The following WDR49 variants were observed in gnomAD, a reference collection of about 807,000 sequenced individuals.
The protein encoded by WDR49 is WD repeat domain 49.
Under a neutral mutation model 119.5 loss-of-function variants are expected in WDR49, and 107 were observed. That is an observed-to-expected ratio of 0.90 (90% CI 0.77 to 1.05). The LOEUF (loss-of-function observed/expected upper bound fraction) is 1.05. Ranked by LOEUF, WDR49 falls within the 50% of genes least tolerant of loss-of-function variation. The pLI is 0.00. For synonymous variants in WDR49, 425 were observed against 418.8 expected (o/e 1.01, Z -0.18); for missense variants, 1,240 against 1,220.5 (o/e 1.02, Z -0.24).
chr3:167,600,424 T>C (rs918620328), intron 7 of WDR49, among the ~76,000 whole-genome samples: 2 of 152,186 alleles, frequency 1.3e-5, no homozygotes, highest in Admixed American at 1.3e-4. Context: ...TTTCCTACCC[T>C]CTTTGGTGAT....
intron 18 of WDR49, among the ~76,000 whole-genome samples, chr3:167,497,892 T>TC (rs1553859878): frequency 1.3e-4 from 19 of 151,426 alleles, no homozygotes; most frequent in Middle Eastern, 3.4e-3. Context: ...TTTTTTTTTT[T>TC]CAACAGGCTA....
chr3:167,517,346 G>C (rs931028706), intron 16 of WDR49, among the ~76,000 whole-genome samples: 4 of 152,050 alleles, frequency 2.6e-5, no homozygotes, highest in Admixed American at 6.6e-5. Context: ...GAACAGAATA[G>C]AGAACTAAGA....
chr3:167,511,625 G>A (rs951104337), intron 16 of WDR49, among the ~76,000 whole-genome samples: 20 of 152,296 alleles, frequency 1.3e-4, no homozygotes, highest in African/African-American at 4.3e-4. Flanking sequence ...AGGGCCTTGG[G>A]TTCCAAGCAC....
At chr3:167,521,662 C>T (rs569528624) in intron 16 of WDR49, among the ~76,000 whole-genome samples, 1 of 152,200 alleles carries the variant, frequency 6.6e-6, no homozygotes, top group Admixed American at 6.6e-5. Context: ...AAGTAATAAG[C>T]TCAGATATCT....
At chr3:167,594,202 A>C (rs1715290577) in intron 7 of WDR49, among the ~76,000 whole-genome samples, 1 of 152,306 alleles carries the variant, frequency 6.6e-6, no homozygotes, top group South Asian at 2.1e-4. Context: ...AAGTTGGAAA[A>C]GTTTGAAGGG....
chr3:167,579,688 C>T (rs1420957771), intron 7 of WDR49, among the ~76,000 whole-genome samples: 1 of 152,038 alleles, frequency 6.6e-6, no homozygotes, highest in Non-Finnish European at 1.5e-5. Context: ...TTGTTTAAAA[C>T]ATTCTGGCAG....
chr3:167,603,492 G>C lies in WDR49; in HGVS notation c.1126+809C>G, dbSNP rs1223936658. ...CTGTGATTGTCAGGTATTATTTTGG[G>C]AATTTTATGGACACAGCTCCTTAGC... On this transcript the variant is annotated intron_variant, in intron 6 of 18. Coordinates refer to ENST00000682715, the MANE Select transcript of WDR49 (RefSeq NM_001366157.1). 3.9e-5 allele frequency among the ~76,000 whole-genome samples: 6 copies of C among 151,976 alleles called. No homozygotes were observed. The East Asian group carries it at 1.2e-3, about 29-fold the overall frequency.
At chr3:167,618,987 C>T (rs1427635135) in intron 5 of WDR49, among the ~76,000 whole-genome samples, 1 of 152,080 alleles carries the variant, frequency 6.6e-6, no homozygotes, top group African/African-American at 2.4e-5. Flanking sequence ...TCTTCCTGAA[C>T]ATGAAGAATA....
chr3:167,620,434 C>T lies in WDR49; in HGVS notation c.953G>A (p.Arg318Lys). 3 of 1,535,032 alleles carry T rather than the reference C, an allele frequency of 2.0e-6. No homozygotes were observed. In the South Asian group the frequency reaches 3.6e-5, roughly 18 times the overall value. Residue 318 changes from arginine (R) to lysine (K), a missense_variant, in exon 5 of 19, where the codon AGG becomes AAG. Physicochemically the swap from Arg to Lys is conservative, Grantham distance 26. Transcript: ENST00000682715. ...TTACTGTTCAAATTCAATACCTTGC[C>T]TGACCCAATCTCCTTGATGAAGTTT... ...EHKLHQGDWV[R>K]QVTYNASLDA... is the part of the protein sequence containing the mutation.
At position 167,621,498 on chromosome 3, in the gene WDR49, G is replaced by T. The variant is rs1317749674; in HGVS notation, c.752C>A (p.Ser251Ter). 2 of 1,533,980 alleles carry T rather than the reference G, an allele frequency of 1.3e-6. No individual in the cohort carries two copies. The highest frequency in any genetic ancestry group is 1.7e-6 in the Non-Finnish European group (2 of 1,145,770). The part of the protein sequence containing the change: ...YWYDPLDANE[S>*]ILSFGDITGK... ...AGTTATATCCCCAAAAGAAAGAATT[G>T]ATTCATTGGCATCAAGAGGATCATA... The change falls in exon 4 of 19, where the codon TCA (serine) becomes TAA (stop). Residue 251 changes from serine (S) to a stop codon, truncating the protein, a stop_gained. Coordinates refer to ENST00000682715, the MANE Select transcript of WDR49 (RefSeq NM_001366157.1). LOFTEE classifies it high-confidence loss of function.
Position 167,626,894 on chromosome 3 carries a change from G to T in WDR49, c.564C>A (p.His188Gln). 2 of 1,261,256 alleles carry T rather than the reference G, an allele frequency of 1.6e-6. No individual in the cohort carries two copies. Among genetic ancestry groups the T allele is most frequent in the Non-Finnish European group, 2.0e-6 (2 of 1,003,186 alleles). 78.1% of individuals were successfully genotyped at this position (1,261,256 alleles called of 1,614,324 possible). A position where few individuals can be genotyped will look rare whatever the true frequency, so the allele number is the denominator to read the frequency against. The change falls in exon 3 of 19, where the codon CAC becomes CAA. Residue 188 changes from histidine to glutamine, a missense_variant. Physicochemically the swap from His to Gln is conservative, Grantham distance 24. Coordinates refer to ENST00000682715, the MANE Select transcript of WDR49 (RefSeq NM_001366157.1). ...PITSDATKLK[H>Q]LWVTSLVSLE... is the part of the protein sequence containing the mutation. ...GAGAAACCAGACTTGTCACCCACAG[G>T]TGTTTGAGCTTGGTGGCATCTGAAG...
At chr3:167,519,303 A>C (rs1230051924) in intron 16 of WDR49, among the ~76,000 whole-genome samples, 2 of 152,216 alleles carry the variant, frequency 1.3e-5, no homozygotes, top group Non-Finnish European at 2.9e-5. Context: ...ACCCAAAGGA[A>C]TATAAATCAT....
intron 2 of WDR49, among the ~76,000 whole-genome samples, chr3:167,645,273 C>G (rs1406653467): frequency 1.3e-5 from 2 of 151,932 alleles, no homozygotes; most frequent in Non-Finnish European, 2.9e-5. Context: ...TGCAGTGGTG[C>G]AATCTCAGCT....
At chr3:167,489,344 C>T (rs1751039017) in intron 18 of WDR49, among the ~76,000 whole-genome samples, 1 of 152,058 alleles carries the variant, frequency 6.6e-6, no homozygotes, top group Non-Finnish European at 1.5e-5. Context: ...GACCTGGGGA[C>T]CCTATAATAT....
intron 18 of WDR49, among the ~76,000 whole-genome samples, chr3:167,495,486 G>A (rs541616476): frequency 8.6e-5 from 13 of 152,006 alleles, no homozygotes; most frequent in Non-Finnish European, 1.3e-4. Flanking sequence ...GAAATAAAAT[G>A]TTTTTCCATT....
intron 5 of WDR49, among the ~76,000 whole-genome samples, chr3:167,606,468 C>A (rs561363551): frequency 6.6e-6 from 1 of 152,124 alleles, no homozygotes; most frequent in Non-Finnish European, 1.5e-5. Context: ...GATGTACATC[C>A]TTTGTGTTAG....
chr3:167,503,604 C>A (rs144591581), intron 17 of WDR49, among the ~76,000 whole-genome samples: 4 of 152,138 alleles, frequency 2.6e-5, no homozygotes, highest in Admixed American at 6.5e-5. Flanking sequence ...CAATGGCAAG[C>A]CTTTAGCCCG....
chr3:167,486,256 C>G (rs954612923), intron 18 of WDR49, among the ~76,000 whole-genome samples: 1 of 151,984 alleles, frequency 6.6e-6, no homozygotes, highest in Admixed American at 6.6e-5. Context: ...TAAAGGCATC[C>G]TAAATATAGA....
chr3:167,650,575 C>CT (rs1718328118), intron 2 of WDR49, among the ~76,000 whole-genome samples: 1 of 152,162 alleles, frequency 6.6e-6, no homozygotes, highest in Admixed American at 6.5e-5. Context: ...AACAATTATG[C>CT]TTTTGACTCT....
Sources: allele counts gnomAD v4.1 joint callset (sites outside exome capture counted in the v4.1 genomes callset), GRCh38; gene constraint gnomAD v4.1.1; transcripts MANE v1.5; gene names NCBI Gene and HGNC (gene_info 2026-07-23, HGNC 2026-07-21).